The following COPG2 variants were observed in gnomAD, a reference collection of about 807,000 sequenced individuals.
COPG2 encodes the protein coat protein complex I subunit gamma 2, also known as coatomer subunit gamma-2.
In COPG2, 37 loss-of-function variants were observed where a neutral mutation model predicts 46.3. The ratio of observed to expected loss-of-function variants is 0.80; its 90% CI spans 0.61 to 1.05. The LOEUF (loss-of-function observed/expected upper bound fraction) is 1.05, where lower values mean the gene tolerates loss of function less well. Among genes scored for constraint, COPG2 ranks in the 50% least tolerant of loss-of-function variants. The pLI, the probability that COPG2 is intolerant of heterozygous loss-of-function variation, is 0.00. For missense variants in COPG2, 427 were observed against 387.8 expected (o/e 1.10, Z -0.85); for synonymous variants, 159 against 129.7 (o/e 1.23, Z -1.53).
intron 5 of COPG2, among the ~76,000 whole-genome samples, chr7:130,636,163 G>C (rs187146058): frequency 6.6e-6 from 1 of 152,180 alleles, no homozygotes; most frequent in African/African-American, 2.4e-5. Context: ...GTGGTGTGGA[G>C]AAGAATGTAT....
chr7:130,513,359 G>GTGTGTATATA (rs1282542780), intron 20 of COPG2, among the ~76,000 whole-genome samples: 1 of 36,680 alleles, frequency 2.7e-5, no homozygotes, highest in African/African-American at 6.4e-5. Context: ...GTGTGTGTGT[G>GTGTGTATATA]TATATATATA....
At chr7:130,592,163 T>C (rs1421115943) in intron 9 of COPG2, among the ~76,000 whole-genome samples, 5 of 152,084 alleles carry the variant, frequency 3.3e-5, no homozygotes, top group Admixed American at 2.0e-4. Flanking sequence ...GGATTAAGGG[T>C]GGTGCAAGAT....
At chr7:130,605,427 T>A (rs1317193630) in intron 9 of COPG2, among the ~76,000 whole-genome samples, 7 of 152,230 alleles carry the variant, frequency 4.6e-5, no homozygotes, top group African/African-American at 1.7e-4. Flanking sequence ...AGGTGCAATC[T>A]AATCACATGA....
intron 20 of COPG2, chr7:130,509,466 A>C (rs1799560896): frequency 1.1e-5 from 4 of 378,424 alleles, no homozygotes; most frequent in Admixed American, 3.4e-5. Flanking sequence ...AAAATATTAG[A>C]TATTGGGAGA....
intron 20 of COPG2, among the ~76,000 whole-genome samples, chr7:130,536,424 C>G (rs968108531): frequency 6.6e-6 from 1 of 152,080 alleles, no homozygotes; most frequent in Non-Finnish European, 1.5e-5. Context: ...CCCAGGCAGG[C>G]CTATCCAATC....
intron 20 of COPG2, among the ~76,000 whole-genome samples, chr7:130,540,458 T>C (rs1277677038): frequency 6.6e-6 from 1 of 151,784 alleles, no homozygotes; most frequent in African/African-American, 2.4e-5. Context: ...AAGAAACAGG[T>C]TGAGGCCGAA....
chr7:130,547,308 T>C (rs1439797067), intron 20 of COPG2: 2 of 180,134 alleles, frequency 1.1e-5, no homozygotes, highest in Non-Finnish European at 2.3e-5. Context: ...ATAGAAACTT[T>C]GAGGAGAAGA....
At chr7:130,618,707 T>C (rs958280124) in intron 5 of COPG2, among the ~76,000 whole-genome samples, 1 of 152,184 alleles carries the variant, frequency 6.6e-6, no homozygotes, top group African/African-American at 2.4e-5. Flanking sequence ...CCTTAGGTTT[T>C]TCCTTCTTTT....
chr7:130,578,215 G>A (rs1794051670), intron 9 of COPG2, among the ~76,000 whole-genome samples: 1 of 149,754 alleles, frequency 6.7e-6, no homozygotes, highest in African/African-American at 2.5e-5. Context: ...GCCTAACTGG[G>A]AGGCACCCCC....
At chr7:130,515,250 T>C (rs1279077437) in intron 20 of COPG2, among the ~76,000 whole-genome samples, 1 of 152,076 alleles carries the variant, frequency 6.6e-6, no homozygotes, top group Non-Finnish European at 1.5e-5. Flanking sequence ...ACAGGAAGCA[T>C]GGCTGAGGAA....
Position 130,611,169 on chromosome 7 carries a change from C to T in COPG2, c.580-59G>A, listed in dbSNP as rs571227661. On this transcript the variant is annotated intron_variant, in intron 8 of 23. Transcript: ENST00000425248. ...TTAGAAAGATGTCAAAATATTTACA[C>T]AAAAATAGAATTACACGGAACTAGA... is the stretch of plus-strand genomic sequence containing the variant. The T allele has an allele frequency of 1.5e-5, 22 of 1,461,072 alleles. No homozygotes were observed. In the East Asian group the frequency reaches 4.6e-4, roughly 30 times the overall value. 90.5% of individuals were successfully genotyped at this position (1,461,072 alleles called of 1,614,324 possible).
intron 14 of COPG2, 84 bp from the exon 15 acceptor site, chr7:130,552,514 T>G (rs972038760): frequency 2.5e-5 from 10 of 396,774 alleles, no homozygotes; most frequent in Non-Finnish European, 4.4e-5. Flanking sequence ...ATTAGAAAAG[T>G]GTCCCCATGT....
chr7:130,664,216 C>A (rs900797627), intron 3 of COPG2, among the ~76,000 whole-genome samples: 1 of 152,180 alleles, frequency 6.6e-6, no homozygotes, highest in Non-Finnish European at 1.5e-5. Flanking sequence ...ATACGTTACA[C>A]TCAATCACTT....
intron 5 of COPG2, chr7:130,645,079 A>AG: frequency 2.7e-6 from 1 of 376,672 alleles, no homozygotes; most frequent in Non-Finnish European, 5.1e-6. Flanking sequence ...AAAAAAAAAA[A>AG]AAAAAAGAAA....
At chr7:130,641,456 T>C (rs1483540565) in intron 5 of COPG2, among the ~76,000 whole-genome samples, 2 of 152,074 alleles carry the variant, frequency 1.3e-5, no homozygotes, top group African/African-American at 2.4e-5. Flanking sequence ...TATCATAGGA[T>C]AAAATGGAGA....
intron 20 of COPG2, chr7:130,547,452 G>C (rs1369556081): frequency 2.6e-6 from 1 of 380,886 alleles, no homozygotes; most frequent in Non-Finnish European, 4.6e-6. Context: ...TAAGTGTTCA[G>C]CAAATTTTAC....
At chr7:130,587,243 G>C (rs1194042719) in intron 9 of COPG2, among the ~76,000 whole-genome samples, 1 of 151,830 alleles carries the variant, frequency 6.6e-6, no homozygotes, top group Non-Finnish European at 1.5e-5. Context: ...GAAGGTGGAC[G>C]CTACAGTGAG....
intron 4 of COPG2, among the ~76,000 whole-genome samples, chr7:130,659,998 A>T (rs1213248830): frequency 2.6e-5 from 4 of 152,208 alleles, no homozygotes; most frequent in Non-Finnish European, 5.9e-5. Flanking sequence ...AAACTATGTA[A>T]TCCTCATATA....
At position 130,612,249 on chromosome 7, in the gene COPG2, A is replaced by G. The variant is rs1554452232; in HGVS notation, c.493-11T>C. 1 of 35,304 alleles carries G rather than the reference A, an allele frequency of 2.8e-5. No homozygotes were observed. The highest frequency in any genetic ancestry group is 3.0e-4 in the South Asian group (1 of 3,342). 2.2% of individuals were successfully genotyped at this position (35,304 alleles called of 1,614,324 possible). Reference sequence around the variant, plus strand: ...TATCTTCATCATGTGCTAAATACAGAAAAAAAAAAATGAGAATAAATAATG... The same window carrying G: ...TATCTTCATCATGTGCTAAATACAGGAAAAAAAAAATGAGAATAAATAATG... On this transcript the variant is annotated splice_polypyrimidine_tract_variant and intron_variant, in intron 7 of 23. Transcript: ENST00000425248.
Sources: allele counts gnomAD v4.1 joint callset (sites outside exome capture counted in the v4.1 genomes callset), GRCh38; gene constraint gnomAD v4.1.1; transcripts MANE v1.5; gene names NCBI Gene and HGNC (gene_info 2026-07-23, HGNC 2026-07-21).